Variants in JARID2 observed in about 807,000 individuals in gnomAD.
The protein encoded by JARID2 is jumonji and AT-rich interaction domain containing 2, also known as protein Jumonji.
Under a neutral mutation model 125.6 loss-of-function variants are expected in JARID2, and 21 were observed. The ratio of observed to expected loss-of-function variants is 0.17; its 90% confidence interval spans 0.12 to 0.24. The LOEUF (loss-of-function observed/expected upper bound fraction) is 0.24. Among genes scored for constraint, JARID2 ranks in the 10% least tolerant of loss-of-function variants. The pLI, the probability that JARID2 is intolerant of heterozygous loss-of-function variation, is 1.00. For missense variants in JARID2, 1,303 were observed against 1,639.6 expected (o/e 0.79, Z 3.55); for synonymous variants, 736 against 661.6 (o/e 1.11, Z -1.73).
At position 15,496,755 on chromosome 6, in the gene JARID2, C is replaced by T; in HGVS notation, c.1530C>T (p.Gly510=). Residue 510 remains glycine, a synonymous_variant, in exon 7 of 18, where the codon GGC becomes GGT. Coordinates refer to ENST00000341776, the MANE Select transcript of JARID2 (RefSeq NM_004973.4). ...KRATAGKSTP[G]RQAHGKADSA... is the part of the protein sequence containing the mutation. ...CCACGGCCGGGAAGAGCACGCCAGG[C>T]AGACAAGCACATGGCAAGGCGGACA... is the stretch of plus-strand genomic sequence containing the variant. 6.2e-7 allele frequency: 1 copy of T among 1,613,550 alleles called. No individual in the cohort carries two copies. Among genetic ancestry groups the T allele is most frequent in the Non-Finnish European group, 8.5e-7 (1 of 1,179,926 alleles).
At position 15,510,330 on chromosome 6, in the gene JARID2, G is replaced by A. The variant is rs73724431; in HGVS notation, c.2847-966G>A. Among the ~76,000 whole-genome samples, 253 of 152,230 alleles carry A rather than the reference G, an allele frequency of 1.7e-3. 2 individuals are homozygous for A. Among genetic ancestry groups the A allele is most frequent in the African/African-American group, 5.8e-3 (239 of 41,516 alleles). The stretch of plus-strand genomic sequence containing the variant: ...AGCCATCCCTGCACCCCTGCCTTGC[G>A]GGGGGCCTCCCCTCACATCCCCCTC... On this transcript the variant is annotated intron_variant, in intron 12 of 17. Coordinates refer to ENST00000341776, the MANE Select transcript of JARID2 (RefSeq NM_004973.4).
intron 1 of JARID2, among the ~76,000 whole-genome samples, chr6:15,249,716 C>T (rs1179009139): frequency 1.3e-5 from 2 of 152,096 alleles, no homozygotes; most frequent in African/African-American, 2.4e-5. Context: ...AGTTTATTAC[C>T]TTAGCAAAGC....
intron 2 of JARID2, among the ~76,000 whole-genome samples, chr6:15,375,333 G>A (rs9383051): frequency 0.37 from 56,766 of 151,990 alleles, 10,770 homozygotes; most frequent in Admixed American, 0.45. Flanking sequence ...CTTGAAAGAA[G>A]AGCCTCTGTC....
intron 12 of JARID2, chr6:15,509,500 A>C (rs1771172349): frequency 3.4e-6 from 1 of 297,856 alleles, no homozygotes. Context: ...GACGGTGATC[A>C]TGGTGTCCTG....
At chr6:15,422,069 C>A (rs543873233) in intron 3 of JARID2, among the ~76,000 whole-genome samples, 1 of 152,320 alleles carries the variant, frequency 6.6e-6, no homozygotes, top group African/African-American at 2.4e-5. Flanking sequence ...GCAGAACCTA[C>A]AGCTCCCGAA....
At chr6:15,492,282 A>C (rs1204850767) in intron 6 of JARID2, among the ~76,000 whole-genome samples, 1 of 152,230 alleles carries the variant, frequency 6.6e-6, no homozygotes, top group African/African-American at 2.4e-5. Flanking sequence ...ATTGTCATTC[A>C]ATGGAGGGTC....
At chr6:15,252,714 A>G (rs981468710) in intron 1 of JARID2, among the ~76,000 whole-genome samples, 1 of 152,172 alleles carries the variant, frequency 6.6e-6, no homozygotes, top group Non-Finnish European at 1.5e-5. Flanking sequence ...AATAAAAATG[A>G]AACCAAATGA....
At chr6:15,416,048 CGG>C (rs536316563) in intron 3 of JARID2, among the ~76,000 whole-genome samples, 2 of 148,974 alleles carry the variant, frequency 1.3e-5, no homozygotes, top group Non-Finnish European at 3.0e-5. Flanking sequence ...ACATCCCAGA[CGG>C]GGCGGCGGGG....
intron 3 of JARID2, among the ~76,000 whole-genome samples, chr6:15,420,975 G>T (rs187214904): frequency 1.4e-3 from 213 of 152,310 alleles, no homozygotes; most frequent in Admixed American, 5.9e-3. Flanking sequence ...TAACACAAAT[G>T]TGCTTGTTAG....
intron 1 of JARID2, among the ~76,000 whole-genome samples, chr6:15,353,600 G>C (rs1763501620): frequency 6.6e-6 from 1 of 152,008 alleles, no homozygotes; most frequent in South Asian, 2.1e-4. Flanking sequence ...TGCTGGCTCA[G>C]AAGTTAGGAG....
chr6:15,411,090 A>G (rs1018609614), intron 3 of JARID2, among the ~76,000 whole-genome samples: 1 of 151,956 alleles, frequency 6.6e-6, no homozygotes, highest in Admixed American at 6.6e-5. Context: ...TCCCTGTTAG[A>G]ATTTATATTT....
In JARID2 at chr6:15,468,559, A is replaced by G. The variant is rs1290138725; in HGVS notation, c.511A>G (p.Asn171Asp). 6.2e-7 allele frequency: 1 copy of G among 1,613,966 alleles called. No individual in the cohort carries two copies. Among genetic ancestry groups the G allele is most frequent in the Non-Finnish European group, 8.5e-7 (1 of 1,179,938 alleles). ...TCCACCAGGTTCTCCTGCGCTGCCCAACAGCATGGTGTATTTTGGAAGCTC... is the reference window on the plus strand; with the variant it reads ...TCCACCAGGTTCTCCTGCGCTGCCCGACAGCATGGTGTATTTTGGAAGCTC... ...LCLRGSPALP[N>D]SMVYFGSSQD... The change falls in exon 5 of 18, where the codon AAC (asparagine) becomes GAC (aspartate). Residue 171 changes from asparagine (N) to aspartate (D), a missense_variant. Physicochemically the swap from Asn to Asp is conservative, Grantham distance 23 (BLOSUM62 1). Coordinates refer to ENST00000341776, the MANE Select transcript of JARID2 (RefSeq NM_004973.4).
chr6:15,502,775 C>T (rs1770804718), intron 8 of JARID2, among the ~76,000 whole-genome samples: 1 of 152,186 alleles, frequency 6.6e-6, no homozygotes, highest in Non-Finnish European at 1.5e-5. Flanking sequence ...TCCCTTTTAT[C>T]TGAGTCTGCT....
intron 4 of JARID2, among the ~76,000 whole-genome samples, chr6:15,465,333 G>T (rs1581601853): frequency 6.6e-6 from 1 of 152,240 alleles, no homozygotes; most frequent in East Asian, 1.9e-4. Flanking sequence ...TGCACCTGTA[G>T]TCCCAGCTAC....
At position 15,450,042 on chromosome 6, in the gene JARID2, T is replaced by A. The variant is rs558916419; in HGVS notation, c.324-1964T>A. On this transcript the variant is annotated intron_variant, in intron 3 of 17. Transcript: ENST00000341776. ...TAGGAATTTGTTAAATAGTATAATTTTTTTTTAAATGTTACAGCATTTTGA... is the reference window on the plus strand; with the variant it reads ...TAGGAATTTGTTAAATAGTATAATTATTTTTTAAATGTTACAGCATTTTGA... Among the ~76,000 whole-genome samples the A allele has an allele frequency of 3.9e-5, 6 of 152,306 alleles. No individual in the cohort carries two copies. The East Asian group carries it at 1.2e-3, about 29-fold the overall frequency.
At chr6:15,339,403 C>T (rs1454915039) in intron 1 of JARID2, among the ~76,000 whole-genome samples, 1 of 152,134 alleles carries the variant, frequency 6.6e-6, no homozygotes, top group East Asian at 1.9e-4. Context: ...CCAGAAATTA[C>T]ATTAGAGGAC....
intron 3 of JARID2, among the ~76,000 whole-genome samples, chr6:15,450,929 A>G (rs959158476): frequency 2.0e-5 from 3 of 152,012 alleles, no homozygotes; most frequent in Non-Finnish European, 2.9e-5. Context: ...TGGGGAGGCT[A>G]AGGCGGGTGG....
intron 2 of JARID2, among the ~76,000 whole-genome samples, chr6:15,376,774 TCTTATTTTGGGGAGCTA>T (rs1338148561): frequency 3.3e-5 from 5 of 152,172 alleles, no homozygotes; most frequent in African/African-American, 1.2e-4. Context: ...AAGTGTACTT[TCTTATTTTGGGGAGCTA>T]CTTGGAATCA....
intron 1 of JARID2, among the ~76,000 whole-genome samples, chr6:15,360,377 G>C (rs977301950): frequency 2.0e-5 from 3 of 152,054 alleles, no homozygotes; most frequent in Non-Finnish European, 2.9e-5. Context: ...TAGAGACGGA[G>C]TTTCACCGTG....
Sources: allele counts gnomAD v4.1 joint callset (sites outside exome capture counted in the v4.1 genomes callset), GRCh38; gene constraint gnomAD v4.1.1; transcripts MANE v1.5; gene names NCBI Gene and HGNC (gene_info 2026-07-23, HGNC 2026-07-21).